The following CCKBR variants were observed in gnomAD, a reference collection of about 807,000 sequenced individuals.
CCKBR encodes gastrin/cholecystokinin type B receptor.
A neutral mutation model predicts 34.6 loss-of-function variants in CCKBR; 33 were observed. The ratio of observed to expected loss-of-function variants is 0.95; its 90% CI spans 0.72 to 1.27. CCKBR has a LOEUF of 1.27. CCKBR is among the 50% of genes most tolerant of loss of function. The pLI, the probability that CCKBR is intolerant of heterozygous loss-of-function variation, is 0.00. For missense variants in CCKBR, 652 were observed against 617.4 expected (o/e 1.06, Z -0.59); for synonymous variants, 269 against 267.5 (o/e 1.01, Z -0.06).
In CCKBR at chr11:6,259,950, C is replaced by A; in HGVS notation, c.22C>A (p.Arg8=). The part of the protein sequence containing the change: MELLKLN[R]SVQGTGPGPG... ...GGCCATGGAGCTGCTAAAGCTGAACCGGAGCGTGCAGGGAACCGGACCCGG... is the reference window on the plus strand; with the variant it reads ...GGCCATGGAGCTGCTAAAGCTGAACAGGAGCGTGCAGGGAACCGGACCCGG... The change falls in exon 1 of 5, where the codon CGG becomes AGG. Residue 8 remains arginine, a synonymous_variant. Coordinates refer to ENST00000334619, the MANE Select transcript of CCKBR (RefSeq NM_176875.4). The A allele has an allele frequency of 1.3e-6, 2 of 1,511,658 alleles. No homozygotes were observed. 93.6% of individuals were successfully genotyped at this position (1,511,658 alleles called of 1,614,324 possible).
chr11:6,262,725 A>AGAGAGAGAGAGAG (rs59378041), intron 1 of CCKBR, among the ~76,000 whole-genome samples: 3 of 147,670 alleles, frequency 2.0e-5, no homozygotes, highest in Non-Finnish European at 4.5e-5. Context: ...AGAGAGAGAG[A>AGAGAGAGAGAGAG]AAGAAAAGCA....
chr11:6,260,582 C>CA (rs2133892355), intron 1 of CCKBR, among the ~76,000 whole-genome samples: 1 of 152,296 alleles, frequency 6.6e-6, no homozygotes, highest in South Asian at 2.1e-4. Flanking sequence ...CCCCAGCCCC[C>CA]AGCCATCCCA....
intron 1 of CCKBR, among the ~76,000 whole-genome samples, chr11:6,269,385 C>T (rs1305483562): frequency 6.6e-6 from 1 of 152,010 alleles, no homozygotes; most frequent in African/African-American, 2.4e-5. Context: ...TGAGAAGACA[C>T]AAATATCCTC....
At position 6,269,759 on chromosome 11, in the gene CCKBR, T is replaced by C. The variant is rs200488852; in HGVS notation, c.242T>C (p.Leu81Pro). The C allele has an allele frequency of 6.2e-7, 1 of 1,614,166 alleles. No individual in the cohort carries two copies. Among genetic ancestry groups the C allele is most frequent in the Non-Finnish European group, 8.5e-7 (1 of 1,180,002 alleles). ...ATGCTCATCATCGTGGTCCTGGGAC[T>C]GAGCCGCCGCCTGAGGACTGTCACC... ...GNMLIIVVLG[L>P]SRRLRTVTNA... The change falls in exon 2 of 5, where the codon CTG becomes CCG. Residue 81 changes from leucine (L) to proline (P), a missense_variant. Leu to Pro is a moderately conservative substitution (Grantham distance 98). Coordinates refer to ENST00000334619, the MANE Select transcript of CCKBR (RefSeq NM_176875.4).
At chr11:6,269,521 A>T in intron 1 of CCKBR, 148 bp from the exon 2 acceptor site, 1 of 914,670 alleles carries the variant, frequency 1.1e-6, no homozygotes, top group Non-Finnish European at 1.7e-6. Flanking sequence ...AGGCTAAAGG[A>T]TTCAAGTTCA....
intron 1 of CCKBR, among the ~76,000 whole-genome samples, chr11:6,261,376 A>G (rs992475357): frequency 6.8e-6 from 1 of 147,614 alleles, no homozygotes; most frequent in Non-Finnish European, 1.5e-5. Flanking sequence ...TGGCCTCTTG[A>G]GGAAATGAGC....
chr11:6,262,554 G>GA (rs1848149210), intron 1 of CCKBR, among the ~76,000 whole-genome samples: 1 of 152,136 alleles, frequency 6.6e-6, no homozygotes, highest in African/African-American at 2.4e-5. Context: ...TCAATAACAA[G>GA]AAAATATTTA....
rs188680188 is a variant in CCKBR, at chr11:6,271,581, G to A, written c.*38G>A. 3.9e-4 allele frequency: 587 copies of A among 1,522,970 alleles called. No individual in the cohort carries two copies. Among genetic ancestry groups the A allele is most frequent in the Non-Finnish European group, 4.9e-4 (555 of 1,137,880 alleles). The allele number at this position is 1,522,970 out of a possible 1,614,324, so 94.3% of individuals were successfully genotyped here. ...CCGTGGGGGTTGAGGCAGGGCAAATGACATGCACTGACCCTTCCAGACATA... is the reference window on the plus strand; with the variant it reads ...CCGTGGGGGTTGAGGCAGGGCAAATAACATGCACTGACCCTTCCAGACATA... On this transcript the variant is annotated 3_prime_UTR_variant, in exon 5 of 5. Coordinates refer to ENST00000334619, the MANE Select transcript of CCKBR (RefSeq NM_176875.4).
chr11:6,270,988 G>C, intron 4 of CCKBR, 23 bp from the exon 5 acceptor site: 1 of 1,613,334 alleles, frequency 6.2e-7, no homozygotes, highest in Non-Finnish European at 8.5e-7. Flanking sequence ...CTTTTTCTCT[G>C]ACCGCCCACC....
At chr11:6,262,223 G>A (rs931957162) in intron 1 of CCKBR, among the ~76,000 whole-genome samples, 7 of 152,220 alleles carry the variant, frequency 4.6e-5, no homozygotes, top group Non-Finnish European at 8.8e-5. Context: ...GGTCTGAGGT[G>A]GAAATACAGA....
intron 4 of CCKBR, 78 bp downstream of exon 4, chr11:6,270,881 A>G (rs766799249): frequency 1.2e-6 from 2 of 1,611,664 alleles, no homozygotes; most frequent in Non-Finnish European, 1.7e-6. Context: ...AGTGGGTGGG[A>G]CTGAAATGAA....
At position 6,270,218 on chromosome 11, in the gene CCKBR, G is replaced by A. The variant is rs201539336; in HGVS notation, c.534G>A (p.Thr178=). The A allele has an allele frequency of 2.5e-6, 4 of 1,613,302 alleles. No homozygotes were observed. The highest frequency in any genetic ancestry group is 1.7e-5 in the Admixed American group (1 of 60,018). The stretch of plus-strand genomic sequence containing the variant: ...ACGCGGCTCGCGTGATTGTAGCCAC[G>A]TGGCTGCTGTCCGGACTACTCATGG... The part of the protein sequence containing the change: ...RSHAARVIVA[T]WLLSGLLMVP... The change falls in exon 3 of 5, where the codon ACG becomes ACA. Residue 178 remains threonine, a synonymous_variant. Coordinates refer to ENST00000334619, the MANE Select transcript of CCKBR (RefSeq NM_176875.4).
At chr11:6,262,544 T>C (rs925740372) in intron 1 of CCKBR, among the ~76,000 whole-genome samples, 1 of 152,192 alleles carries the variant, frequency 6.6e-6, no homozygotes, top group African/African-American at 2.4e-5. Flanking sequence ...TCCTTCACAT[T>C]CAATAACAAG....
rs776622621 is a variant in CCKBR at position 6,270,859 on chromosome 11, G to A, written c.811+56G>A. The A allele has an allele frequency of 5.6e-6, 9 of 1,612,752 alleles. No homozygotes were observed. In the South Asian group the frequency reaches 6.6e-5, roughly 12 times the overall value. Reference sequence around the variant, plus strand: ...GCGAGGCGGAGCTTTGGAGGGCGACGGGGCCTGCTGGAGTGGGTGGGACTG... The same window carrying A: ...GCGAGGCGGAGCTTTGGAGGGCGACAGGGCCTGCTGGAGTGGGTGGGACTG... On this transcript the variant is annotated intron_variant, in intron 4 of 4. Coordinates refer to ENST00000334619, the MANE Select transcript of CCKBR (RefSeq NM_176875.4).
chr11:6,271,339 C>G lies in CCKBR; in HGVS notation c.1140C>G (p.Tyr380Ter). 6.2e-7 allele frequency: 1 copy of G among 1,614,188 alleles called. No individual in the cohort carries two copies. The highest frequency in any genetic ancestry group is 8.5e-7 in the Non-Finnish European group (1 of 1,180,004). The change falls in exon 5 of 5, where the codon TAC becomes TAG. Residue 380 changes from tyrosine (Y) to a stop codon, truncating the protein, a stop_gained. Coordinates refer to ENST00000334619, the MANE Select transcript of CCKBR (RefSeq NM_176875.4). LOFTEE classifies it high-confidence loss of function. ...TCTCCTTCATTCACTTGCTGAGCTA[C>G]GCCTCGGCCTGTGTCAACCCCCTGG... ...APISFIHLLS[Y>*]ASACVNPLVY...
chr11:6,260,208 C>T, intron 1 of CCKBR, 129 bp downstream of exon 1: 1 of 630,946 alleles, frequency 1.6e-6, no homozygotes, highest in Non-Finnish European at 2.7e-6. Flanking sequence ...AGTACTCCCT[C>T]AGCCCCCAAA....
rs1350710256 is a variant in CCKBR, at chr11:6,270,245, G to C, written c.561G>C (p.Val187=). The C allele has an allele frequency of 6.2e-7, 1 of 1,613,010 alleles. No homozygotes were observed. The highest frequency in any genetic ancestry group is 8.5e-7 in the Non-Finnish European group (1 of 1,180,040). Residue 187 remains valine, a synonymous_variant, in exon 3 of 5, where the codon GTG becomes GTC. Transcript: ENST00000334619. ...ATWLLSGLLM[V]PYPVYTVVQP... ...GGCTGCTGTCCGGACTACTCATGGT[G>C]CCCTACCCCGTGTACACTGTCGTGC...
intron 1 of CCKBR, among the ~76,000 whole-genome samples, chr11:6,264,941 C>A (rs1322277666): frequency 6.6e-6 from 1 of 152,160 alleles, no homozygotes; most frequent in East Asian, 1.9e-4. Context: ...AATATCAATA[C>A]ATTATTCTCT....
In CCKBR at chr11:6,270,796, G is replaced by T. The variant is rs1304468408; in HGVS notation, c.804G>T (p.Gly268=). The T allele has an allele frequency of 6.2e-7, 1 of 1,614,040 alleles. No homozygotes were observed. The highest frequency in any genetic ancestry group is 1.7e-5 in the Admixed American group (1 of 60,006). The change falls in exon 4 of 5, where the codon GGG becomes GGT. Residue 268 remains glycine, a synonymous_variant. Coordinates refer to ENST00000334619, the MANE Select transcript of CCKBR (RefSeq NM_176875.4). ...DSQSRVRNQG[G]LPGAVHQNGR... is the part of the protein sequence containing the mutation. ...AAAGCAGGGTCCGAAACCAAGGCGGGCTGCCAGGTGGGGCTGGACCACGTG... is the reference window on the plus strand; with the variant it reads ...AAAGCAGGGTCCGAAACCAAGGCGGTCTGCCAGGTGGGGCTGGACCACGTG...
Sources: allele counts gnomAD v4.1 joint callset (sites outside exome capture counted in the v4.1 genomes callset), GRCh38; gene constraint gnomAD v4.1.1; transcripts MANE v1.5; gene names NCBI Gene and HGNC (gene_info 2026-07-23, HGNC 2026-07-21).